Variants in RUFY2 observed in about 807,000 individuals in gnomAD.
RUFY2 encodes the protein RUN and FYVE domain containing 2.
A neutral mutation model predicts 94.4 loss-of-function variants in RUFY2; 49 were observed. That is an observed-to-expected ratio of 0.52 (90% CI 0.41 to 0.66). RUFY2 has a LOEUF of 0.66. Ranked by LOEUF, RUFY2 falls within the 30% of genes least tolerant of loss-of-function variation. RUFY2 has a pLI of 0.00. For missense variants in RUFY2, 541 were observed against 692.8 expected, an observed-to-expected ratio of 0.78 and a Z score of 2.46; for synonymous variants, 255 against 235.7, an observed-to-expected ratio of 1.08 and a Z score of -0.75.
chr10:68,374,640 G>A (rs887965634), intron 13 of RUFY2, among the ~76,000 whole-genome samples: 4 of 152,070 alleles, frequency 2.6e-5, no homozygotes, highest in East Asian at 1.9e-4. Flanking sequence ...GGACAGAGAA[G>A]AACTTAACAC....
chr10:68,385,836 T>A (rs2049455779), intron 8 of RUFY2, among the ~76,000 whole-genome samples: 1 of 152,142 alleles, frequency 6.6e-6, no homozygotes, highest in South Asian at 2.1e-4. Flanking sequence ...AGAAGCTGAG[T>A]ATCTCAAATA....
intron 7 of RUFY2, among the ~76,000 whole-genome samples, chr10:68,389,889 T>C (rs1296909993): frequency 6.6e-6 from 1 of 152,132 alleles, no homozygotes; most frequent in Non-Finnish European, 1.5e-5. Flanking sequence ...TGAGAATAGA[T>C]ATACATATTA....
At chr10:68,348,424 G>T (rs1300188011) in intron 16 of RUFY2, among the ~76,000 whole-genome samples, 5 of 151,782 alleles carry the variant, frequency 3.3e-5, no homozygotes, top group African/African-American at 1.2e-4. Flanking sequence ...GGCTGAGGTG[G>T]GAGGATTGCT....
Position 68,404,652 on chromosome 10 carries a change from T to C in RUFY2, c.178+19A>G, listed in dbSNP as rs1223014244. ...ACGGAAATTCTAAAATGAATTAATT[T>C]TTTAAAATCTCATGATACCTTTAAG... On this transcript the variant is annotated intron_variant, in intron 2 of 17. Transcript: ENST00000602465. 5 of 1,497,308 alleles carry C rather than the reference T, an allele frequency of 3.3e-6. No individual in the cohort carries two copies. Among genetic ancestry groups the C allele is most frequent in the Non-Finnish European group, 4.5e-6 (5 of 1,120,144 alleles). The allele number at this position is 1,497,308 out of a possible 1,614,324, so 92.8% of individuals were successfully genotyped here.
intron 8 of RUFY2, among the ~76,000 whole-genome samples, chr10:68,384,896 C>T (rs1009592278): frequency 5.3e-5 from 8 of 152,144 alleles, no homozygotes; most frequent in African/African-American, 1.9e-4. Flanking sequence ...CGATCAGGAG[C>T]CCAACCATCA....
At chr10:68,371,448 T>C (rs1483492350) in intron 13 of RUFY2, among the ~76,000 whole-genome samples, 1 of 149,894 alleles carries the variant, frequency 6.7e-6, no homozygotes, top group Non-Finnish European at 1.5e-5. Context: ...AAAAATTAGC[T>C]GGGCATGATG....
intron 12 of RUFY2, 161 bp from the exon 13 acceptor site, chr10:68,377,133 A>G: frequency 6.7e-7 from 1 of 1,494,022 alleles, no homozygotes; most frequent in Non-Finnish European, 8.9e-7. Context: ...AGAGCCACAC[A>G]ATGTCTAGAA....
At chr10:68,350,900 T>C (rs530282471) in intron 16 of RUFY2, among the ~76,000 whole-genome samples, 2 of 151,104 alleles carry the variant, frequency 1.3e-5, no homozygotes, top group South Asian at 4.2e-4. Flanking sequence ...TTAGTAGAAA[T>C]GGGTTTCTCC....
chr10:68,369,519 C>A (rs904713542), intron 13 of RUFY2, among the ~76,000 whole-genome samples: 19 of 150,532 alleles, frequency 1.3e-4, no homozygotes, highest in South Asian at 4.2e-4. Flanking sequence ...CAAAAAAAAA[C>A]CAGGCGAGGC....
intron 12 of RUFY2, chr10:68,377,716 T>C (rs1463794254): frequency 1.2e-5 from 12 of 985,182 alleles, no homozygotes; most frequent in Non-Finnish European, 1.4e-5. Flanking sequence ...CCCTGCCTTC[T>C]TTGGCCATCT....
In RUFY2 at chr10:68,407,220, G is replaced by A. The variant is rs574020895; in HGVS notation, c.-31C>T. On this transcript the variant is annotated 5_prime_UTR_variant, in exon 1 of 18. Transcript: ENST00000602465. ...CGGCGGCTGCGCGGTCTCGGGCGGAGGCTCCCTCGGCCTGTCCAGCAGCTC... is the reference window on the plus strand; with the variant it reads ...CGGCGGCTGCGCGGTCTCGGGCGGAAGCTCCCTCGGCCTGTCCAGCAGCTC... 8 of 1,395,414 alleles carry A rather than the reference G, an allele frequency of 5.7e-6. No individual in the cohort carries two copies. The highest frequency in any genetic ancestry group is 2.5e-4 in the Middle Eastern group (1 of 4,016). The allele number at this position is 1,395,414 out of a possible 1,614,324, so 86.4% of individuals were successfully genotyped here.
At chr10:68,359,543 T>G (rs1429218768) in intron 15 of RUFY2, among the ~76,000 whole-genome samples, 1 of 146,118 alleles carries the variant, frequency 6.8e-6, no homozygotes, top group East Asian at 2.0e-4. Flanking sequence ...TATATAATGC[T>G]ACTATATATA....
Position 68,404,791 on chromosome 10 carries a change from G to C in RUFY2, c.58C>G (p.Leu20Val), listed in dbSNP as rs747006335. Residue 20 changes from leucine (L) to valine (V), a missense_variant, in exon 2 of 18, where the codon CTG becomes GTG. Coordinates refer to ENST00000602465, the MANE Select transcript of RUFY2 (RefSeq NM_001330103.2). ...ERANLLNMAK[L>V]SIKGLIESAL... ...GATTCAATGAGTCCTTTGATACTCA[G>C]TTTAGCCATGTTTAACAAGTTTGCT... is the stretch of plus-strand genomic sequence containing the variant. The C allele has an allele frequency of 6.2e-7, 1 of 1,612,930 alleles. No individual in the cohort carries two copies. Among genetic ancestry groups the C allele is most frequent in the Admixed American group, 1.7e-5 (1 of 59,738 alleles).
chr10:68,341,342 C>A (rs1164885147), downstream of RUFY2: 1 of 1,576,842 alleles, frequency 6.3e-7, no homozygotes. Flanking sequence ...AATCTTATTT[C>A]CTAAACGTGA....
chr10:68,353,834 T>A (rs10998079), intron 16 of RUFY2, among the ~76,000 whole-genome samples: 15,511 of 151,456 alleles, frequency 0.1, 1,051 homozygotes, highest in South Asian at 0.25. Context: ...AAATAAAAAA[T>A]ATATATATAA....
chr10:68,366,870 A>AAT (rs58252520), intron 13 of RUFY2, among the ~76,000 whole-genome samples: 13,077 of 136,296 alleles, frequency 0.096, 853 homozygotes, highest in South Asian at 0.24. Context: ...ATATTAAATA[A>AAT]ATATATATAT....
chr10:68,341,553 C>T (rs751233878), downstream of RUFY2: 1 of 1,402,638 alleles, frequency 7.1e-7, no homozygotes, highest in East Asian at 2.3e-5. Context: ...TCATTCCTTT[C>T]TCCCCTGTTA....
downstream of RUFY2, chr10:68,341,424 C>T (rs188157094): frequency 1.5e-4 from 174 of 1,165,512 alleles, no homozygotes; most frequent in African/African-American, 2.5e-3. Flanking sequence ...ACCATTTGAC[C>T]TCTATAATGG....
At chr10:68,356,750 C>T (rs1416641304) in intron 15 of RUFY2, among the ~76,000 whole-genome samples, 6 of 151,762 alleles carry the variant, frequency 4.0e-5, no homozygotes, top group Admixed American at 3.3e-4. Flanking sequence ...GGTTTCACCA[C>T]GTTGGCCAGG....
Sources: allele counts gnomAD v4.1 joint callset (sites outside exome capture counted in the v4.1 genomes callset), GRCh38; gene constraint gnomAD v4.1.1; transcripts MANE v1.5; gene names NCBI Gene and HGNC (gene_info 2026-07-23, HGNC 2026-07-21).